Variants in SYBU observed in about 807,000 individuals in gnomAD.
SYBU encodes the protein syntabulin, also known as GOLSYN A protein.
A neutral mutation model predicts 35.9 loss-of-function variants in SYBU; 21 were observed. That is an observed-to-expected ratio of 0.58 (90% confidence interval 0.41 to 0.84). The LOEUF is 0.84. Among genes scored for constraint, SYBU ranks in the 40% least tolerant of loss-of-function variants. The pLI is 0.00. For missense variants in SYBU, 768 were observed against 848.2 expected, an observed-to-expected ratio of 0.91 and a Z score of 1.17; for synonymous variants, 319 against 324.3, an observed-to-expected ratio of 0.98 and a Z score of 0.18.
At chr8:109,586,431 A>T in intron 3 of SYBU, 1 of 419,532 alleles carries the variant, frequency 2.4e-6, no homozygotes, top group Non-Finnish European at 4.3e-6. Context: ...GTCAACAGTG[A>T]CCCAAGTGCA....
At chr8:109,689,427 A>G (rs1314165542) in intron 1 of SYBU, among the ~76,000 whole-genome samples, 1 of 152,066 alleles carries the variant, frequency 6.6e-6, no homozygotes, top group Non-Finnish European at 1.5e-5. Flanking sequence ...GGCTCAAGCA[A>G]TCCTCCTGCT....
chr8:109,575,670 T>C lies in SYBU; in HGVS notation c.1228A>G (p.Met410Val), dbSNP rs778958654. 6.2e-6 allele frequency: 10 copies of C among 1,614,072 alleles called. No individual in the cohort carries two copies. The highest frequency in any genetic ancestry group is 7.6e-6 in the Non-Finnish European group (9 of 1,180,002). Residue 410 changes from methionine (M) to valine (V), a missense_variant, in exon 7 of 7, where the codon ATG (methionine) becomes GTG (valine). Physicochemically the swap from Met to Val is conservative, Grantham distance 21. Transcript: ENST00000276646. ...SLTLNPPLDT[M>V]ADGLSLEEQV... The stretch of plus-strand genomic sequence containing the variant: ...TCTTCCAGAGATAACCCATCTGCCA[T>C]TGTGTCAAGAGGGGGGTTGAGGGTT...
At chr8:109,617,620 G>T (rs568817680) in intron 3 of SYBU, among the ~76,000 whole-genome samples, 12 of 152,108 alleles carry the variant, frequency 7.9e-5, no homozygotes, top group African/African-American at 2.9e-4. Context: ...AAATATCAAG[G>T]GTGCTCAACA....
rs1479108158 is a variant in SYBU at position 109,575,595 on chromosome 8, T to A, written c.1303A>T (p.Ile435Leu). Residue 435 changes from isoleucine (I) to leucine (L), a missense_variant, in exon 7 of 7, where the codon ATA becomes TTA. Ile to Leu is a conservative substitution (Grantham distance 5). Coordinates refer to ENST00000276646, the MANE Select transcript of SYBU (RefSeq NM_001099754.2). ...TCGAACAAATCTGTGCTGTTGGCTA[T>A]GCTATCTCCTACCAGTAGCTCCCTG... is the stretch of plus-strand genomic sequence containing the variant. ...ADRELLVGDS[I>L]ANSTDLFDEI... The A allele has an allele frequency of 6.2e-7, 1 of 1,614,130 alleles. No individual in the cohort carries two copies. The highest frequency in any genetic ancestry group is 1.7e-5 in the Admixed American group (1 of 60,028).
chr8:109,672,544 G>A (rs896033558), intron 1 of SYBU, among the ~76,000 whole-genome samples: 3 of 152,202 alleles, frequency 2.0e-5, no homozygotes, highest in Non-Finnish European at 4.4e-5. Flanking sequence ...CACAGACCAG[G>A]AGATTCCCTT....
chr8:109,634,414 T>C (rs991097478), intron 2 of SYBU, among the ~76,000 whole-genome samples: 1 of 152,326 alleles, frequency 6.6e-6, no homozygotes, highest in Non-Finnish European at 1.5e-5. Context: ...CCAAGCTATT[T>C]AATAGAGTAC....
In SYBU at chr8:109,691,422, CGGTGCG is replaced by C. The variant is rs1340010433; in HGVS notation, c.-153_-148del. On this transcript the variant is annotated 5_prime_UTR_variant, in exon 1 of 8. Transcript: ENST00000422135. This position sits in a 1 kb window ranked among gnomAD's most constrained non-coding sequence, Gnocchi z 4.7. ...ACCGGGCCCCGGCTGGGCCGGGTGC[CGGTGCG>C]GACGGGACCCCGCGTCGCTGCTGGT... 3.0e-5 allele frequency: 20 copies of C among 676,912 alleles called. No homozygotes were observed. The highest frequency in any genetic ancestry group is 5.1e-5 in the Non-Finnish European group (19 of 373,872). The allele number at this position is 676,912 out of a possible 1,614,324, so 41.9% of individuals were successfully genotyped here. A position where few individuals can be genotyped will look rare whatever the true frequency, so the allele number is the denominator to read the frequency against.
At chr8:109,644,890 C>T (rs1021229863), upstream of SYBU, 1 of 563,514 alleles carries the variant, frequency 1.8e-6, no homozygotes, top group Non-Finnish European at 3.1e-6. Flanking sequence ...AGAGGCAGCT[C>T]CTGGGGCGCC....
chr8:109,617,440 T>G (rs532241608), intron 3 of SYBU, among the ~76,000 whole-genome samples: 8 of 152,310 alleles, frequency 5.3e-5, no homozygotes, highest in African/African-American at 1.9e-4. Flanking sequence ...CTAAAAACTA[T>G]TGAATTGAAC....
intron 4 of SYBU, among the ~76,000 whole-genome samples, chr8:109,581,438 G>C (rs1041399033): frequency 6.6e-6 from 1 of 152,052 alleles, no homozygotes; most frequent in Non-Finnish European, 1.5e-5. Flanking sequence ...AGCTATTAAG[G>C]GTAACTCAAC....
rs565521454 is a variant in SYBU at position 109,590,172 on chromosome 8, C to T, written c.428-4010G>A. The stretch of plus-strand genomic sequence containing the variant: ...AGGAGCAGCAGGAGCAACGGACACA[C>T]GCAATTATAGAAGACACTATTAAAA... On this transcript the variant is annotated intron_variant, in intron 3 of 6. Transcript: ENST00000276646. 6.6e-5 allele frequency among the ~76,000 whole-genome samples: 10 copies of T among 152,272 alleles called. No individual in the cohort carries two copies. The East Asian group carries it at 7.7e-4, about 12-fold the overall frequency.
chr8:109,663,688 T>C (rs1258356837), intron 1 of SYBU, among the ~76,000 whole-genome samples: 1 of 152,102 alleles, frequency 6.6e-6, no homozygotes, highest in Non-Finnish European at 1.5e-5. Context: ...AATGTTCTCT[T>C]TTTTTTCATT....
intron 3 of SYBU, among the ~76,000 whole-genome samples, chr8:109,617,339 G>A (rs1258957211): frequency 1.3e-5 from 2 of 152,194 alleles, no homozygotes; most frequent in Non-Finnish European, 2.9e-5. Context: ...AGGGGGAACA[G>A]AGTGCTGATG....
chr8:109,588,907 C>T (rs778811211), intron 3 of SYBU, among the ~76,000 whole-genome samples: 6 of 152,160 alleles, frequency 3.9e-5, no homozygotes, highest in Non-Finnish European at 8.8e-5. Context: ...CGCTTGTAAT[C>T]CCAGCACTTT....
chr8:109,673,072 A>T (rs961105713), intron 1 of SYBU, among the ~76,000 whole-genome samples: 1 of 152,196 alleles, frequency 6.6e-6, no homozygotes, highest in Non-Finnish European at 1.5e-5. Flanking sequence ...TCTCGGACAG[A>T]GCACCTGGGG....
intron 1 of SYBU, among the ~76,000 whole-genome samples, chr8:109,671,542 T>G (rs1816982489): frequency 6.6e-6 from 1 of 152,204 alleles, no homozygotes; most frequent in Admixed American, 6.5e-5. Flanking sequence ...TTTGGCCACA[T>G]GAATTAGGCC....
At chr8:109,668,165 G>GGGGAGAGA (rs1554628118) in intron 1 of SYBU, among the ~76,000 whole-genome samples, 1 of 89,048 alleles carries the variant, frequency 1.1e-5, no homozygotes, top group Non-Finnish European at 2.0e-5. Flanking sequence ...GGGGAGAGGG[G>GGGGAGAGA]GAGAGAGAGA....
chr8:109,629,261 C>T (rs1813320820), intron 2 of SYBU, among the ~76,000 whole-genome samples: 1 of 152,184 alleles, frequency 6.6e-6, no homozygotes, highest in Non-Finnish European at 1.5e-5. Context: ...GGAGAACAGA[C>T]CAAATCAGTG....
intron 2 of SYBU, among the ~76,000 whole-genome samples, chr8:109,635,268 G>A (rs907789901): frequency 7.2e-5 from 11 of 152,176 alleles, no homozygotes; most frequent in African/African-American, 2.7e-4. Flanking sequence ...ATCTTGCGGT[G>A]ATACCTAAAC....
Sources: gnomAD v4.1 joint callset for allele counts (sites outside exome capture counted in the v4.1 genomes callset) on GRCh38, gnomAD v4.1.1 for gene constraint, Gnocchi (gnomAD v3.1) non-coding constraint, MANE v1.5 for transcripts, NCBI Gene and HGNC (gene_info 2026-07-23, HGNC 2026-07-21) for gene names.